The following DOCK8 variants were observed in gnomAD, a reference collection of about 807,000 sequenced individuals.
The protein encoded by DOCK8 is dedicator of cytokinesis 8.
In DOCK8, 141 loss-of-function variants were observed where a neutral mutation model predicts 245.6. The ratio of observed to expected loss-of-function variants is 0.57; its 90% CI spans 0.50 to 0.66. The LOEUF (loss-of-function observed/expected upper bound fraction) is 0.66. Ranked by LOEUF, DOCK8 falls within the 30% of genes least tolerant of loss-of-function variation. The pLI is 0.00. For synonymous variants in DOCK8, 1,168 were observed against 970.2 expected (o/e 1.20, Z -3.79); for missense variants, 2,965 against 2,603.4 (o/e 1.14, Z -3.02).
At chr9:229,838 C>A (rs959407840) in intron 1 of DOCK8, among the ~76,000 whole-genome samples, 1 of 151,958 alleles carries the variant, frequency 6.6e-6, no homozygotes, top group Non-Finnish European at 1.5e-5. Context: ...CCAAACCATC[C>A]AATGGTTTAA....
intron 39 of DOCK8, 112 bp downstream of exon 39, chr9:435,087 C>G: frequency 1.5e-6 from 2 of 1,292,198 alleles, no homozygotes; most frequent in African/African-American, 1.5e-5. Flanking sequence ...GTTATCACAA[C>G]TGGGATGGGT....
chr9:400,949 A>ACCAGCT (rs2055018828), intron 26 of DOCK8, among the ~76,000 whole-genome samples: 1 of 113,386 alleles, frequency 8.8e-6, no homozygotes, highest in Non-Finnish European at 1.9e-5. Context: ...CACCACCATC[A>ACCAGCT]CCACCACCAC....
intron 14 of DOCK8, 133 bp downstream of exon 14, chr9:340,454 C>G: frequency 8.6e-7 from 1 of 1,157,334 alleles, no homozygotes; most frequent in East Asian, 2.6e-5. Context: ...AACCGTGTCT[C>G]TACAACATAT....
At chr9:290,407 G>T (rs1174401853) in intron 4 of DOCK8, among the ~76,000 whole-genome samples, 2 of 151,968 alleles carry the variant, frequency 1.3e-5, no homozygotes, top group Non-Finnish European at 2.9e-5. Flanking sequence ...GAGCCTTTTT[G>T]TTGTCTTCTA....
intron 2 of DOCK8, among the ~76,000 whole-genome samples, chr9:273,927 A>G (rs761239037): frequency 1.3e-5 from 2 of 152,080 alleles, no homozygotes; most frequent in Non-Finnish European, 2.9e-5. Context: ...GCTGGTCTCT[A>G]ACTCCTGACC....
At chr9:450,338 A>G (rs1246682446) in intron 45 of DOCK8, among the ~76,000 whole-genome samples, 6 of 152,202 alleles carry the variant, frequency 3.9e-5, no homozygotes, top group Admixed American at 2.0e-4. Context: ...GATCTAGAAC[A>G]TCCAACTCTT....
intron 17 of DOCK8, 137 bp downstream of exon 17, chr9:371,703 C>T: frequency 1.7e-6 from 2 of 1,190,128 alleles, no homozygotes; most frequent in Non-Finnish European, 2.4e-6. Context: ...CACATTATAG[C>T]AAGAGGCAGA....
chr9:214,669 G>C (rs752300413), upstream of DOCK8: 23 of 1,594,752 alleles, frequency 1.4e-5, no homozygotes, highest in South Asian at 2.3e-4. Context: ...CCGGAGGTCG[G>C]CGGCCCCGGG....
At chr9:337,318 G>A (rs1471523237) in intron 12 of DOCK8, among the ~76,000 whole-genome samples, 5 of 152,342 alleles carry the variant, frequency 3.3e-5, no homozygotes, top group Non-Finnish European at 5.9e-5. Context: ...CAGGTGACAT[G>A]AGACCTGTCA....
At position 386,520 on chromosome 9, in the gene DOCK8, C is replaced by A. The variant is rs922394374; in HGVS notation, c.2874+94C>A. ...TGTGCTTGGGAATAGTCAAAGTGCT[C>A]CCCTGCCTGTCCCTGATGTGCTAAC... On this transcript the variant is annotated intron_variant, in intron 23 of 47. Transcript: ENST00000432829. 2.8e-6 allele frequency: 3 copies of A among 1,062,910 alleles called. No individual in the cohort carries two copies. The African/African-American group carries it at 4.7e-5, about 17-fold the overall frequency. 65.8% of individuals were successfully genotyped at this position (1,062,910 alleles called of 1,614,324 possible). A position where few individuals can be genotyped will look rare whatever the true frequency, so the allele number is the denominator to read the frequency against.
At chr9:448,570 C>T (rs977261713) in intron 44 of DOCK8, among the ~76,000 whole-genome samples, 1 of 152,202 alleles carries the variant, frequency 6.6e-6, no homozygotes, top group Non-Finnish European at 1.5e-5. Context: ...AAGGTGCCAG[C>T]ACTGTTGGTG....
At chr9:410,233 T>C (rs1185703243) in intron 28 of DOCK8, among the ~76,000 whole-genome samples, 1 of 152,192 alleles carries the variant, frequency 6.6e-6, no homozygotes, top group African/African-American at 2.4e-5. Flanking sequence ...ATAAAAAATA[T>C]AATATTCCAT....
In DOCK8 at chr9:446,385, A is replaced by C; in HGVS notation, c.5596A>C (p.Thr1866Pro). 1.9e-6 allele frequency: 3 copies of C among 1,614,110 alleles called. No individual in the cohort carries two copies. The highest frequency in any genetic ancestry group is 2.5e-6 in the Non-Finnish European group (3 of 1,180,006). Reference sequence around the variant, plus strand: ...TCCCCCTTAGGCCTACATACAGATCACTTTTGTGGAGCCCTACTTTGATGA... The same window carrying C: ...TCCCCCTTAGGCCTACATACAGATCCCTTTTGTGGAGCCCTACTTTGATGA... ...LDPNKAYIQI[T>P]FVEPYFDEYE... The change falls in exon 44 of 48, where the codon ACT becomes CCT. Residue 1866 changes from threonine to proline, a missense_variant. This residue lies in a region of DOCK8 where 2,825 missense variants were observed against 2,453.5 expected (regional missense o/e 1.15). Transcript: ENST00000432829.
intron 17 of DOCK8, 142 bp downstream of exon 17, chr9:371,708 G>A: frequency 8.5e-6 from 10 of 1,170,882 alleles, no homozygotes; most frequent in Non-Finnish European, 1.2e-5. Context: ...TATAGCAAGA[G>A]GCAGAAATGA....
intron 6 of DOCK8, among the ~76,000 whole-genome samples, chr9:315,308 A>G (rs1266707685): frequency 6.6e-6 from 1 of 152,210 alleles, no homozygotes; most frequent in Non-Finnish European, 1.5e-5. Context: ...AATGTTTCAC[A>G]TTTCCACTTT....
rs2057911909 is a variant in DOCK8, at chr9:464,515, G to C, written c.*296G>C. The C allele has an allele frequency of 2.1e-6, 1 of 480,912 alleles. No individual in the cohort carries two copies. Among genetic ancestry groups the C allele is most frequent in the Non-Finnish European group, 3.8e-6 (1 of 262,926 alleles). 29.8% of individuals were successfully genotyped at this position (480,912 alleles called of 1,614,324 possible). A position where few individuals can be genotyped will look rare whatever the true frequency, so the allele number is the denominator to read the frequency against. ...AAACAAGGCATAAGCAGCTTCTCCT[G>C]CTGACTGGCCAATCACTGCCCATCT... On this transcript the variant is annotated 3_prime_UTR_variant, in exon 48 of 48. Transcript: ENST00000432829.
Position 405,034 on chromosome 9 carries a change from T to C in DOCK8, c.3351T>C (p.Asp1117=). 1.9e-6 allele frequency: 3 copies of C among 1,614,030 alleles called. No individual in the cohort carries two copies. The highest frequency in any genetic ancestry group is 1.7e-6 in the Non-Finnish European group (2 of 1,179,950). ...LNLNLFFMNA[D]TAPTSPCPSI... ...TGAACCTTTTTTTTATGAATGCTGA[T>C]ACTGCTCCAACATCTCCTTGTCCTT... The change falls in exon 27 of 48, where the codon GAT becomes GAC. Residue 1117 remains aspartate (D), a synonymous_variant. Transcript: ENST00000432829.
intron 14 of DOCK8, among the ~76,000 whole-genome samples, chr9:348,368 G>A (rs771566751): frequency 7.9e-5 from 12 of 152,254 alleles, no homozygotes; most frequent in Admixed American, 3.9e-4. Flanking sequence ...TGATTCCACC[G>A]TTCACAACTC....
Position 340,188 on chromosome 9 carries a change from C to G in DOCK8, c.1546C>G (p.Pro516Ala), listed in dbSNP as rs764784519. 1 of 1,614,146 alleles carries G rather than the reference C, an allele frequency of 6.2e-7. No individual in the cohort carries two copies. Among genetic ancestry groups the G allele is most frequent in the Non-Finnish European group, 8.5e-7 (1 of 1,180,018 alleles). The change falls in exon 14 of 48, where the codon CCA (proline) becomes GCA (alanine). Residue 516 changes from proline to alanine, a missense_variant. Physicochemically the swap from Pro to Ala is conservative, Grantham distance 27. Around this residue, in one of 3 missense-constraint regions of DOCK8, gnomAD observed 2,825 missense variants for 2,453.5 expected, o/e 1.15. Coordinates refer to ENST00000432829, the MANE Select transcript of DOCK8 (RefSeq NM_203447.4). ...GLLRLEISTA[P>A]EIINCCLTPE... ...GCTAAGACTGGAGATTTCTACAGCT[C>G]CAGAGATCATCAATTGCTGTCTGAC...
Sources: gnomAD v4.1 joint callset for allele counts (sites outside exome capture counted in the v4.1 genomes callset) on GRCh38, gnomAD v4.1.1 for gene constraint, gnomAD v4.1.1 regional missense constraint, MANE v1.5 for transcripts, NCBI Gene and HGNC (gene_info 2026-07-23, HGNC 2026-07-21) for gene names.